The following TMEM150C variants were observed in gnomAD, a reference collection of about 807,000 sequenced individuals.
The protein encoded by TMEM150C is transmembrane protein 150C.
Under a neutral mutation model 29.9 loss-of-function variants are expected in TMEM150C, and 10 were observed. That is an observed-to-expected ratio of 0.33 (90% CI 0.21 to 0.57). TMEM150C has a LOEUF of 0.57. TMEM150C is among the 20% of genes least tolerant of loss of function. TMEM150C has a pLI of 0.88. For synonymous variants in TMEM150C, 101 were observed against 112.5 expected (o/e 0.90, Z 0.64); for missense variants, 251 against 303.6 (o/e 0.83, Z 1.29).
At chr4:82,511,698 C>G (rs964474299) in intron 1 of TMEM150C, among the ~76,000 whole-genome samples, 7 of 152,084 alleles carry the variant, frequency 4.6e-5, no homozygotes, top group African/African-American at 1.7e-4. Context: ...AATTTCTGGG[C>G]TCAAGCGATC....
Position 82,508,356 on chromosome 4 carries a change from T to G in TMEM150C, c.-10-3689A>C, listed in dbSNP as rs573387128. ...TGGCATCTCACTATGTTGTCCAGGC[T>G]GAACTCAAACTCTTGGGCTCAAGAG... is the stretch of plus-strand genomic sequence containing the variant. On this transcript the variant is annotated intron_variant, in intron 1 of 7. Transcript: ENST00000449862. Among the ~76,000 whole-genome samples, 4 of 152,224 alleles carry G rather than the reference T, an allele frequency of 2.6e-5. No individual in the cohort carries two copies. In the East Asian group the frequency reaches 5.8e-4, roughly 22 times the overall value.
Position 82,545,439 on chromosome 4 carries a change from A to G in TMEM150C, c.-11+16467T>C, listed in dbSNP as rs182576044. Among the ~76,000 whole-genome samples the G allele has an allele frequency of 6.0e-4, 92 of 152,354 alleles. 1 individual carries two copies. The highest frequency in any genetic ancestry group is 3.9e-3 in the Admixed American group (60 of 15,310). On this transcript the variant is annotated intron_variant, in intron 1 of 7. Coordinates refer to ENST00000449862, the MANE Select transcript of TMEM150C (RefSeq NM_001080506.3). ...AGGACAAACCCACAGCCAACATTAT[A>G]CTGAATGGGCAAAACCTGGAAGCGT...
chr4:82,544,459 C>T (rs529891337), intron 1 of TMEM150C, among the ~76,000 whole-genome samples: 1 of 152,306 alleles, frequency 6.6e-6, no homozygotes, highest in East Asian at 1.9e-4. Context: ...CCAGCATAGG[C>T]GCCAGAGTTG....
At chr4:82,550,226 T>C (rs1205580588) in intron 1 of TMEM150C, among the ~76,000 whole-genome samples, 1 of 152,142 alleles carries the variant, frequency 6.6e-6, no homozygotes, top group Non-Finnish European at 1.5e-5. Flanking sequence ...CAGTTCCACC[T>C]TCACATGCTC....
intron 1 of TMEM150C, 110 bp downstream of exon 1, chr4:82,561,796 C>A: frequency 8.5e-6 from 7 of 822,660 alleles, no homozygotes; most frequent in Non-Finnish European, 1.0e-5. Context: ...CCCAGCCGCG[C>A]TGCAGCCCCC....
chr4:82,534,031 C>T (rs555852136), intron 1 of TMEM150C, among the ~76,000 whole-genome samples: 1 of 152,238 alleles, frequency 6.6e-6, no homozygotes, highest in South Asian at 2.1e-4. Flanking sequence ...AGACAAGCTA[C>T]ATTTGAGAAC....
chr4:82,510,272 C>G (rs764645969), intron 1 of TMEM150C, among the ~76,000 whole-genome samples: 82 of 152,016 alleles, frequency 5.4e-4, no homozygotes, highest in Admixed American at 3.9e-4. Flanking sequence ...GAGCAAGACT[C>G]TATCTCAAAA....
chr4:82,511,524 G>A (rs2110073945), intron 1 of TMEM150C, among the ~76,000 whole-genome samples: 1 of 134,120 alleles, frequency 7.5e-6, no homozygotes, highest in Non-Finnish European at 1.5e-5. Context: ...ACTCAGGCTG[G>A]AGTGCAGTGG....
intron 1 of TMEM150C, among the ~76,000 whole-genome samples, chr4:82,508,347 T>C (rs1724005757): frequency 6.6e-6 from 1 of 152,134 alleles, no homozygotes. Context: ...CTCACTATGT[T>C]GTCCAGGCTG....
chr4:82,524,146 T>G (rs984376463), intron 1 of TMEM150C, among the ~76,000 whole-genome samples: 1 of 149,764 alleles, frequency 6.7e-6, no homozygotes, highest in African/African-American at 2.5e-5. Flanking sequence ...TGGGTGCCTG[T>G]GGTCCCAGCT....
intron 1 of TMEM150C, among the ~76,000 whole-genome samples, chr4:82,513,944 A>T (rs1724212047): frequency 6.6e-6 from 1 of 152,258 alleles, no homozygotes. Context: ...CCTGAACTGC[A>T]TTAGCAAAGG....
intron 5 of TMEM150C, among the ~76,000 whole-genome samples, chr4:82,501,631 G>A (rs1012559441): frequency 6.6e-6 from 1 of 152,184 alleles, no homozygotes; most frequent in East Asian, 1.9e-4. Flanking sequence ...TGAGCCTGAC[G>A]GGAAACATTC....
chr4:82,492,281 C>T (rs1001674852), intron 6 of TMEM150C, among the ~76,000 whole-genome samples: 4 of 151,676 alleles, frequency 2.6e-5, no homozygotes, highest in African/African-American at 9.7e-5. Flanking sequence ...GGCATATGCC[C>T]CCATGCCCAG....
intron 1 of TMEM150C, among the ~76,000 whole-genome samples, chr4:82,543,855 A>C (rs1329300258): frequency 1.3e-5 from 2 of 152,202 alleles, no homozygotes; most frequent in African/African-American, 4.8e-5. Flanking sequence ...CACTCCAATC[A>C]GTTCATTTCC....
At chr4:82,517,970 G>A (rs1199035778) in intron 1 of TMEM150C, among the ~76,000 whole-genome samples, 3 of 152,164 alleles carry the variant, frequency 2.0e-5, no homozygotes, top group African/African-American at 7.2e-5. Context: ...ACTGCTAAGA[G>A]GACTGACATG....
chr4:82,496,772 A>C (rs1056936691), intron 5 of TMEM150C, among the ~76,000 whole-genome samples: 40 of 152,230 alleles, frequency 2.6e-4, no homozygotes, highest in African/African-American at 9.6e-4. Context: ...CCTGGGAAGA[A>C]AGATAATGGA....
At chr4:82,550,291 C>T (rs1251074245) in intron 1 of TMEM150C, among the ~76,000 whole-genome samples, 3 of 152,174 alleles carry the variant, frequency 2.0e-5, no homozygotes, top group African/African-American at 7.2e-5. Context: ...CCATGTAAGA[C>T]GTGCCTGCTT....
chr4:82,540,114 C>CTTTTTTTTTTTTT (rs577728662), intron 1 of TMEM150C, among the ~76,000 whole-genome samples: 2 of 47,262 alleles, frequency 4.2e-5, no homozygotes, highest in South Asian at 8.4e-4. Flanking sequence ...TCTACCTATT[C>CTTTTTTTTTTTTT]TTTTTTTTTT....
intron 1 of TMEM150C, among the ~76,000 whole-genome samples, chr4:82,528,205 T>G (rs1181928717): frequency 6.6e-6 from 1 of 152,178 alleles, no homozygotes; most frequent in East Asian, 1.9e-4. Flanking sequence ...GCTCTGCAGG[T>G]GAAGCAGCAC....
Sources: allele counts gnomAD v4.1 joint callset (sites outside exome capture counted in the v4.1 genomes callset), GRCh38; gene constraint gnomAD v4.1.1; transcripts MANE v1.5; gene names NCBI Gene and HGNC (gene_info 2026-07-23, HGNC 2026-07-21).